NRXN3: variants seen among roughly 807,000 people sequenced by gnomAD.
NRXN3 encodes the protein neurexin III.
In NRXN3, 32 loss-of-function variants were observed where a neutral mutation model predicts 137.6. The observed-to-expected ratio is 0.23, with a 90% CI of 0.18 to 0.31. The LOEUF (loss-of-function observed/expected upper bound fraction) is 0.31, where lower values mean the gene tolerates loss of function less well. NRXN3 is among the 10% of genes least tolerant of loss of function. NRXN3 has a pLI of 1.00. For synonymous variants in NRXN3, 798 were observed against 784.5 expected (o/e 1.02, Z -0.29); for missense variants, 1,574 against 2,062.5 (o/e 0.76, Z 4.59).
rs559698504 is a variant in NRXN3 at position 78,222,309 on chromosome 14, G to T, written c.-703-20082G>T. Reference sequence around the variant, plus strand: ...TGGAGCAGGGAGGTCCTAGCCTTAGGAATAAAGGGCACACACACACACATA... The same window carrying T: ...TGGAGCAGGGAGGTCCTAGCCTTAGTAATAAAGGGCACACACACACACATA... On this transcript the variant is annotated intron_variant, in intron 1 of 20. Transcript: ENST00000335750. Among the ~76,000 whole-genome samples the T allele has an allele frequency of 3.6e-4, 53 of 146,490 alleles. 1 individual carries two copies. Among genetic ancestry groups the T allele is most frequent in the African/African-American group, 1.3e-3 (52 of 38,988 alleles).
intron 4 of NRXN3, among the ~76,000 whole-genome samples, chr14:78,463,197 G>T (rs1273068207): frequency 6.6e-6 from 1 of 152,062 alleles, no homozygotes. Context: ...TTATGTCTGA[G>T]TAATATTTCA....
intron 15 of NRXN3, among the ~76,000 whole-genome samples, chr14:79,414,008 A>G (rs1002507146): frequency 1.3e-5 from 2 of 151,996 alleles, no homozygotes; most frequent in Admixed American, 1.3e-4. Flanking sequence ...TGATATTAAC[A>G]TAGCTGGAAT....
intron 15 of NRXN3, among the ~76,000 whole-genome samples, chr14:79,158,731 C>T (rs1373247351): frequency 6.6e-6 from 1 of 151,806 alleles, no homozygotes; most frequent in Non-Finnish European, 1.5e-5. Context: ...GGGTTCAAGA[C>T]ATTTTTGTAA....
intron 4 of NRXN3, among the ~76,000 whole-genome samples, chr14:78,373,680 G>A (rs2087277309): frequency 6.6e-6 from 1 of 152,188 alleles, no homozygotes; most frequent in South Asian, 2.1e-4. Flanking sequence ...GGAGTGGGAG[G>A]AGGAGAAAGT....
chr14:78,331,440 T>C (rs2080806786), intron 4 of NRXN3, among the ~76,000 whole-genome samples: 1 of 151,962 alleles, frequency 6.6e-6, no homozygotes, highest in Non-Finnish European at 1.5e-5. Flanking sequence ...AAGACTAGTT[T>C]GAAAATGTTC....
intron 1 of NRXN3, among the ~76,000 whole-genome samples, chr14:78,196,125 T>C (rs117752282): frequency 0.011 from 1,639 of 152,326 alleles, 9 homozygotes; most frequent in Non-Finnish European, 0.017. Flanking sequence ...TTTTCCCACG[T>C]CACCCAGCCA....
At chr14:78,355,463 G>A (rs979946283) in intron 4 of NRXN3, among the ~76,000 whole-genome samples, 7 of 151,886 alleles carry the variant, frequency 4.6e-5, no homozygotes, top group Non-Finnish European at 1.0e-4. Flanking sequence ...TTACCCAGGC[G>A]GGAGTGCAGT....
chr14:79,550,351 C>G (rs7157577), intron 16 of NRXN3, among the ~76,000 whole-genome samples: 24,662 of 151,988 alleles, frequency 0.16, 2,906 homozygotes, highest in East Asian at 0.33. Context: ...TCCAGGAGTT[C>G]CATTTCATTC....
chr14:78,171,106 G>T (rs1368691138), intron 1 of NRXN3, among the ~76,000 whole-genome samples: 1 of 151,274 alleles, frequency 6.6e-6, no homozygotes, highest in African/African-American at 2.4e-5. Flanking sequence ...ATTTGGGCTG[G>T]TTAAAATGAG....
At chr14:78,254,476 C>T (rs939458822) in intron 2 of NRXN3, among the ~76,000 whole-genome samples, 2 of 152,092 alleles carry the variant, frequency 1.3e-5, no homozygotes, top group East Asian at 3.9e-4. Context: ...GTCAGGACAT[C>T]GAAATCATCC....
At chr14:79,295,438 C>G (rs949174656) in intron 15 of NRXN3, among the ~76,000 whole-genome samples, 2 of 152,138 alleles carry the variant, frequency 1.3e-5, no homozygotes, top group African/African-American at 2.4e-5. Context: ...AAATGTCTCT[C>G]CAGCATACCA....
intron 4 of NRXN3, among the ~76,000 whole-genome samples, chr14:78,473,419 T>TGAAAAAC (rs1429325302): frequency 7.4e-6 from 1 of 134,374 alleles, no homozygotes; most frequent in Non-Finnish European, 1.6e-5. Context: ...AAAAAAAAAA[T>TGAAAAAC]GAAAAACCTT....
At chr14:78,470,048 C>G (rs968156570) in intron 4 of NRXN3, among the ~76,000 whole-genome samples, 1 of 152,208 alleles carries the variant, frequency 6.6e-6, no homozygotes, top group African/African-American at 2.4e-5. Flanking sequence ...GTTCATAAAT[C>G]ATTCTTGGCA....
At chr14:79,510,006 T>C (rs560318033) in intron 16 of NRXN3, among the ~76,000 whole-genome samples, 1 of 152,296 alleles carries the variant, frequency 6.6e-6, no homozygotes, top group Non-Finnish European at 1.5e-5. Context: ...TATGCAGTGC[T>C]CACAGATGTG....
chr14:78,595,377 A>G (rs1214919856), intron 4 of NRXN3, among the ~76,000 whole-genome samples: 1 of 152,210 alleles, frequency 6.6e-6, no homozygotes, highest in Non-Finnish European at 1.5e-5. Flanking sequence ...CTTGTCATTG[A>G]GCTAGTACAG....
intron 15 of NRXN3, among the ~76,000 whole-genome samples, chr14:79,082,994 G>A (rs780163392): frequency 1.3e-5 from 2 of 152,104 alleles, no homozygotes; most frequent in Non-Finnish European, 2.9e-5. Flanking sequence ...TTCACAACAC[G>A]GGATGGCGGA....
chr14:78,350,457 T>C (rs1567333565), intron 4 of NRXN3, among the ~76,000 whole-genome samples: 3 of 151,830 alleles, frequency 2.0e-5, no homozygotes, highest in South Asian at 4.2e-4. Context: ...GTTGGGGCTT[T>C]GGGGCAGTGA....
intron 15 of NRXN3, among the ~76,000 whole-genome samples, chr14:79,409,638 T>TATAC (rs2095382055): frequency 1.4e-5 from 2 of 146,632 alleles, no homozygotes; most frequent in African/African-American, 5.0e-5. Context: ...TATATATATA[T>TATAC]ATATATCCTC....
chr14:78,609,476 G>T (rs1354824767), intron 4 of NRXN3, among the ~76,000 whole-genome samples: 1 of 152,204 alleles, frequency 6.6e-6, no homozygotes, highest in African/African-American at 2.4e-5. Flanking sequence ...AGGATATCAT[G>T]AAAGTAGGCT....
Sources: allele counts gnomAD v4.1 joint callset (sites outside exome capture counted in the v4.1 genomes callset), GRCh38; gene constraint gnomAD v4.1.1; transcripts MANE v1.5; gene names NCBI Gene and HGNC (gene_info 2026-07-23, HGNC 2026-07-21).